Variants in CSRNP3 observed in about 807,000 individuals in gnomAD.
The protein encoded by CSRNP3 is cysteine/serine-rich nuclear protein 3.
A neutral mutation model predicts 48.0 loss-of-function variants in CSRNP3; 12 were observed. The observed-to-expected ratio is 0.25, with a 90% CI of 0.16 to 0.41. CSRNP3 has a LOEUF of 0.41. CSRNP3 is among the 10% of genes least tolerant of loss of function. The pLI is 1.00. For missense variants in CSRNP3, 580 were observed against 724.4 expected, an observed-to-expected ratio of 0.80 and a Z score of 2.29; for synonymous variants, 263 against 269.7, an observed-to-expected ratio of 0.98 and a Z score of 0.24.
chr2:165,609,010 G>A (rs935653145), intron 4 of CSRNP3, among the ~76,000 whole-genome samples: 25 of 150,718 alleles, frequency 1.7e-4, no homozygotes, highest in Non-Finnish European at 2.9e-4. Flanking sequence ...AGGAGGCTGA[G>A]GCAGGAGAAT....
At chr2:165,669,216 T>C (rs1687287515) in intron 5 of CSRNP3, among the ~76,000 whole-genome samples, 1 of 152,232 alleles carries the variant, frequency 6.6e-6, no homozygotes, top group Non-Finnish European at 1.5e-5. Flanking sequence ...TGTGAATAAT[T>C]CAGTAATGAC....
At chr2:165,605,212 G>T (rs1685989838) in intron 4 of CSRNP3, among the ~76,000 whole-genome samples, 1 of 151,908 alleles carries the variant, frequency 6.6e-6, no homozygotes, top group Non-Finnish European at 1.5e-5. Context: ...CCCTTCCTAT[G>T]CTTGAGCCTT....
At chr2:165,478,228 C>G (rs547752635) in intron 1 of CSRNP3, among the ~76,000 whole-genome samples, 48 of 152,140 alleles carry the variant, frequency 3.2e-4, no homozygotes, top group Non-Finnish European at 5.1e-4. Context: ...TAAAGAGCCT[C>G]TAACTCAAAG....
chr2:165,481,262 A>G (rs1420571871), intron 1 of CSRNP3, among the ~76,000 whole-genome samples: 1 of 152,164 alleles, frequency 6.6e-6, no homozygotes, highest in African/African-American at 2.4e-5. Flanking sequence ...ATCAATGCAC[A>G]CTTCTTCCTG....
chr2:165,642,091 TACACACACACAAACACACAC>T (rs1686730570), intron 4 of CSRNP3, among the ~76,000 whole-genome samples: 2 of 131,216 alleles, frequency 1.5e-5, no homozygotes, highest in African/African-American at 3.1e-5. Context: ...TACCTGAGAA[TACACACACACAAACACACAC>T]ACACACACAC....
chr2:165,492,768 G>A (rs1302764041), intron 1 of CSRNP3, among the ~76,000 whole-genome samples: 1 of 144,102 alleles, frequency 6.9e-6, no homozygotes, highest in Non-Finnish European at 1.5e-5. Flanking sequence ...ACTTGCTGTC[G>A]ATGTTGCTTC....
chr2:165,656,820 G>A (rs759428052), intron 4 of CSRNP3, among the ~76,000 whole-genome samples: 6 of 152,046 alleles, frequency 3.9e-5, no homozygotes, highest in Non-Finnish European at 8.8e-5. Context: ...AATAAGATCC[G>A]AGGTATGAGG....
At chr2:165,676,254 A>T (rs575125342) in intron 5 of CSRNP3, 58 bp from the exon 6 acceptor site, 2 of 1,314,874 alleles carry the variant, frequency 1.5e-6, no homozygotes, top group African/African-American at 1.5e-5. Flanking sequence ...CAGTACAAAC[A>T]TACAGATTTT....
At position 165,658,643 on chromosome 2, in the gene CSRNP3, A is replaced by T. The variant is rs1486158529; in HGVS notation, c.408+623A>T. Among the ~76,000 whole-genome samples the T allele has an allele frequency of 2.6e-5, 4 of 152,070 alleles. No individual in the cohort carries two copies. In the South Asian group the frequency reaches 8.3e-4, roughly 31 times the overall value. ...TTATAAAGAAAAGGAGGTTTAATGA[A>T]CTCAGTTCCATATGGCTGGAGAGGC... On this transcript the variant is annotated intron_variant, in intron 5 of 6. Transcript: ENST00000651982.
chr2:165,621,026 T>C (rs1686329791), intron 4 of CSRNP3, among the ~76,000 whole-genome samples: 1 of 152,116 alleles, frequency 6.6e-6, no homozygotes, highest in South Asian at 2.1e-4. Context: ...GAAATGACCA[T>C]CATATAGGTA....
intron 4 of CSRNP3, among the ~76,000 whole-genome samples, chr2:165,645,988 A>G (rs1686805953): frequency 6.6e-6 from 1 of 151,762 alleles, no homozygotes; most frequent in Non-Finnish European, 1.5e-5. Flanking sequence ...CAAGTGATCC[A>G]CCTGCATTGG....
chr2:165,505,244 T>G (rs1364968196), intron 2 of CSRNP3, among the ~76,000 whole-genome samples: 1 of 152,154 alleles, frequency 6.6e-6, no homozygotes, highest in East Asian at 1.9e-4. Flanking sequence ...ATTTCTGTCC[T>G]ATAAAGGAAA....
chr2:165,665,261 C>A (rs985758380), intron 5 of CSRNP3, among the ~76,000 whole-genome samples: 1 of 152,124 alleles, frequency 6.6e-6, no homozygotes, highest in African/African-American at 2.4e-5. Flanking sequence ...ATCCTTCATT[C>A]CTGGCCTCCT....
intron 3 of CSRNP3, among the ~76,000 whole-genome samples, chr2:165,570,225 G>A (rs989750738): frequency 5.9e-5 from 9 of 151,894 alleles, no homozygotes; most frequent in Admixed American, 2.6e-4. Flanking sequence ...TTACCATCCC[G>A]TGATTCATTC....
chr2:165,519,163 A>G (rs1216878169), intron 3 of CSRNP3, among the ~76,000 whole-genome samples: 1 of 148,886 alleles, frequency 6.7e-6, no homozygotes, highest in African/African-American at 2.4e-5. Context: ...AACAAGTAAG[A>G]AATATGAGAT....
intron 3 of CSRNP3, among the ~76,000 whole-genome samples, chr2:165,547,279 A>AT (rs1685043129): frequency 6.6e-6 from 1 of 152,196 alleles, no homozygotes; most frequent in South Asian, 2.1e-4. Context: ...TACAATAAGC[A>AT]CCTGTGTAAT....
chr2:165,671,616 T>A (rs1205249862), intron 5 of CSRNP3, among the ~76,000 whole-genome samples: 2 of 152,216 alleles, frequency 1.3e-5, no homozygotes, highest in Non-Finnish European at 2.9e-5. Context: ...TCTAGGCCTC[T>A]GGGACTGTAA....
chr2:165,576,317 A>T (rs1376921687), intron 3 of CSRNP3, among the ~76,000 whole-genome samples: 1 of 151,954 alleles, frequency 6.6e-6, no homozygotes, highest in Non-Finnish European at 1.5e-5. Context: ...TATTTAATTC[A>T]GTAGCGCCTG....
In CSRNP3 at chr2:165,471,892, G is replaced by A. The variant is rs984927802; in HGVS notation, c.-283+2152G>A. On this transcript the variant is annotated intron_variant, in intron 1 of 6. Coordinates refer to ENST00000651982, the MANE Select transcript of CSRNP3 (RefSeq NM_001172173.2). ...AAAAAGCATGAAAGAAAACAGTTAA[G>A]AGGTTACTGTCCAAGTGAAGGATGA... Among the ~76,000 whole-genome samples, 5 of 152,066 alleles carry A rather than the reference G, an allele frequency of 3.3e-5. No homozygotes were observed. In the South Asian group the frequency reaches 1.0e-3, roughly 32 times the overall value.
Sources: allele counts gnomAD v4.1 joint callset (sites outside exome capture counted in the v4.1 genomes callset), GRCh38; gene constraint gnomAD v4.1.1; transcripts MANE v1.5; gene names NCBI Gene and HGNC (gene_info 2026-07-23, HGNC 2026-07-21).